The following STK3 variants were observed in gnomAD, a reference collection of about 807,000 sequenced individuals.
STK3 encodes serine/threonine kinase 3.
In STK3, 41 loss-of-function variants were observed where a neutral mutation model predicts 58.0. The observed-to-expected ratio is 0.71, with a 90% confidence interval of 0.55 to 0.92. The LOEUF is 0.92. Ranked by LOEUF, STK3 falls within the 40% of genes least tolerant of loss-of-function variation. The probability of loss-of-function intolerance (pLI) is 0.00; values close to 1 mark genes in which losing one functional copy is unlikely to be tolerated. For missense variants in STK3, 479 were observed against 602.7 expected (o/e 0.79, Z 2.15); for synonymous variants, 170 against 191.0 (o/e 0.89, Z 0.91).
chr8:98,731,722 C>CAAAAA (rs35275281), intron 4 of STK3, among the ~76,000 whole-genome samples: 1 of 102,556 alleles, frequency 9.8e-6, no homozygotes, highest in East Asian at 2.8e-4. Context: ...GACTCCGTCT[C>CAAAAA]AAAAAAAAAA....
At chr8:98,829,506 A>G (rs1007153219), upstream of STK3, among the ~76,000 whole-genome samples, 1 of 152,246 alleles carries the variant, frequency 6.6e-6, no homozygotes, top group African/African-American at 2.4e-5. Context: ...AATAATTATC[A>G]TACGACTCCA....
At chr8:98,774,451 T>A (rs1831527361) in intron 2 of STK3, among the ~76,000 whole-genome samples, 1 of 152,174 alleles carries the variant, frequency 6.6e-6, no homozygotes, top group South Asian at 2.1e-4. Flanking sequence ...TCAAACGTAT[T>A]AATAAGAATG....
At chr8:98,582,253 A>G (rs186644274) in intron 7 of STK3, among the ~76,000 whole-genome samples, 12 of 152,194 alleles carry the variant, frequency 7.9e-5, no homozygotes, top group Admixed American at 7.2e-4. Context: ...TGCCTATTAG[A>G]ATCTGGTACA....
chr8:98,630,396 C>G lies in STK3; in HGVS notation c.685-34227G>C, dbSNP rs1819091852. 1.3e-5 allele frequency among the ~76,000 whole-genome samples: 2 copies of G among 152,184 alleles called. 1 individual carries two copies. Among genetic ancestry groups the G allele is most frequent in the South Asian group, 4.1e-4 (2 of 4,836 alleles). On this transcript the variant is annotated intron_variant, in intron 6 of 10. Transcript: ENST00000419617. ...GTGGGTCATGCCTGTAATCCCAGCA[C>G]TTTGGGAGGCTAAGGCGAGAGGACT... is the stretch of plus-strand genomic sequence containing the variant.
At chr8:98,764,214 T>C (rs1379559875) in intron 3 of STK3, among the ~76,000 whole-genome samples, 2 of 152,242 alleles carry the variant, frequency 1.3e-5, no homozygotes, top group African/African-American at 2.4e-5. Context: ...TAGAATTCTA[T>C]AACATTTCCT....
downstream of STK3, among the ~76,000 whole-genome samples, chr8:98,400,794 G>A (rs1817934940): frequency 6.6e-6 from 1 of 151,960 alleles, no homozygotes; most frequent in South Asian, 2.1e-4. Flanking sequence ...AAATAGTTTT[G>A]TTGTTTTTTC....
the STK3 span, among the ~76,000 whole-genome samples, chr8:98,359,985 C>T: frequency 2.0e-5 from 3 of 152,090 alleles, no homozygotes; most frequent in South Asian, 2.1e-4. Flanking sequence ...GTGCTGGGGA[C>T]GTTGTAATGT....
At chr8:98,462,263 G>A (rs1045095100) in intron 10 of STK3, among the ~76,000 whole-genome samples, 3 of 151,726 alleles carry the variant, frequency 2.0e-5, no homozygotes, top group Admixed American at 1.3e-4. Flanking sequence ...TCGGCTCACC[G>A]CAACTGATGA....
chr8:98,699,125 C>G (rs1825289706), intron 6 of STK3, among the ~76,000 whole-genome samples: 1 of 152,228 alleles, frequency 6.6e-6, no homozygotes, highest in Admixed American at 6.5e-5. Context: ...TCTTCCATCA[C>G]TGATACCCTT....
chr8:98,360,501 G>A, the STK3 span, among the ~76,000 whole-genome samples: 1 of 150,880 alleles, frequency 6.6e-6, no homozygotes. Context: ...ATGTCTTTTT[G>A]AGCCAATTTC....
At position 98,765,656 on chromosome 8, in the gene STK3, G is replaced by C. The variant is rs1283051766; in HGVS notation, c.236+1587C>G. Among the ~76,000 whole-genome samples, 39 of 152,204 alleles carry C rather than the reference G, an allele frequency of 2.6e-4. 1 individual carries two copies. Among genetic ancestry groups the C allele is most frequent in the Admixed American group, 2.5e-3 (38 of 15,276 alleles). The stretch of plus-strand genomic sequence containing the variant: ...CCTGGAATGTAGACATAAAGCTGGG[G>C]CTGTAGCAGCCCTGTTGTAGCCATG... On this transcript the variant is annotated intron_variant, in intron 3 of 10. Coordinates refer to ENST00000419617, the MANE Select transcript of STK3 (RefSeq NM_006281.4).
At chr8:98,589,567 C>A (rs1317815580) in intron 7 of STK3, among the ~76,000 whole-genome samples, 3 of 152,216 alleles carry the variant, frequency 2.0e-5, no homozygotes, top group Admixed American at 2.0e-4. Context: ...CTGTGCCCTG[C>A]CCCCAGAGGT....
chr8:98,479,148 A>G (rs1821617927), intron 10 of STK3, among the ~76,000 whole-genome samples: 1 of 151,354 alleles, frequency 6.6e-6, no homozygotes, highest in Admixed American at 6.6e-5. Flanking sequence ...TTTCTGCGTG[A>G]TAGTGCAGGT....
chr8:98,816,872 G>A (rs972231329), intron 1 of STK3, among the ~76,000 whole-genome samples: 1 of 152,092 alleles, frequency 6.6e-6, no homozygotes, highest in African/African-American at 2.4e-5. Context: ...CTAACCTACA[G>A]TATCTAGCAA....
intron 4 of STK3, among the ~76,000 whole-genome samples, chr8:98,710,039 T>C (rs1401370136): frequency 6.6e-6 from 1 of 151,614 alleles, no homozygotes; most frequent in African/African-American, 2.4e-5. Context: ...GAAAAACAAA[T>C]AAAGGCATCC....
intron 9 of STK3, among the ~76,000 whole-genome samples, chr8:98,536,745 GT>G (rs1809797277): frequency 1.3e-5 from 2 of 152,156 alleles, no homozygotes; most frequent in Non-Finnish European, 2.9e-5. Context: ...TTAAATCACT[GT>G]TATTTGGGTT....
intron 9 of STK3, among the ~76,000 whole-genome samples, chr8:98,534,091 A>C (rs1809564353): frequency 6.6e-6 from 1 of 152,208 alleles, no homozygotes; most frequent in Non-Finnish European, 1.5e-5. Flanking sequence ...GCAAGTAATA[A>C]CAGAATGATC....
intron 10 of STK3, among the ~76,000 whole-genome samples, chr8:98,505,380 A>G (rs895504204): frequency 6.6e-6 from 1 of 152,186 alleles, no homozygotes; most frequent in Non-Finnish European, 1.5e-5. Context: ...AACCTTCTGA[A>G]GCCTACTTCT....
At chr8:98,607,341 C>A (rs1816855470) in intron 6 of STK3, among the ~76,000 whole-genome samples, 1 of 152,148 alleles carries the variant, frequency 6.6e-6, no homozygotes, top group African/African-American at 2.4e-5. Flanking sequence ...CTTTTTCTCT[C>A]AATTGACATT....
Sources: allele counts gnomAD v4.1 joint callset (sites outside exome capture counted in the v4.1 genomes callset), GRCh38; gene constraint gnomAD v4.1.1; transcripts MANE v1.5; gene names NCBI Gene and HGNC (gene_info 2026-07-23, HGNC 2026-07-21).